RAP1GDS1: variants seen among roughly 807,000 people sequenced by gnomAD.
The protein encoded by RAP1GDS1 is Rap1 GTPase-GDP dissociation stimulator 1, also known as RAP1, GTP-GDP dissociation stimulator 1.
RAP1GDS1 carries 35 observed loss-of-function variants against 71.1 expected under a neutral mutation model. The observed-to-expected ratio is 0.49, with a 90% CI of 0.38 to 0.65. The LOEUF (loss-of-function observed/expected upper bound fraction) is 0.65. Ranked by LOEUF, RAP1GDS1 falls within the 30% of genes least tolerant of loss-of-function variation. RAP1GDS1 has a pLI of 0.00. For synonymous variants in RAP1GDS1, 229 were observed against 243.1 expected (o/e 0.94, Z 0.54); for missense variants, 663 against 706.1 (o/e 0.94, Z 0.69).
intron 8 of RAP1GDS1, among the ~76,000 whole-genome samples, 175 bp from the exon 9 acceptor site, chr4:98,417,192 C>T (rs1748159408): frequency 6.6e-6 from 1 of 152,174 alleles, no homozygotes; most frequent in South Asian, 2.1e-4. Flanking sequence ...AAATGCTAGA[C>T]TCTATTGTCT....
intron 10 of RAP1GDS1, among the ~76,000 whole-genome samples, chr4:98,419,301 A>G (rs986530825): frequency 1.3e-5 from 2 of 151,572 alleles, no homozygotes; most frequent in Non-Finnish European, 2.9e-5. Flanking sequence ...CAGTCCACCC[A>G]CCTTTGCCTC....
chr4:98,358,461 A>G (rs1416528409), intron 4 of RAP1GDS1, among the ~76,000 whole-genome samples: 1 of 152,054 alleles, frequency 6.6e-6, no homozygotes, highest in Non-Finnish European at 1.5e-5. Flanking sequence ...AAAAATTTGA[A>G]AAAGTTTTGA....
At chr4:98,393,679 T>C (rs1241346697) in intron 6 of RAP1GDS1, among the ~76,000 whole-genome samples, 1 of 152,166 alleles carries the variant, frequency 6.6e-6, no homozygotes. Context: ...CACTGTCCAA[T>C]ACAGTAGCTA....
intron 12 of RAP1GDS1, among the ~76,000 whole-genome samples, chr4:98,429,138 G>T (rs1455910672): frequency 6.6e-6 from 1 of 151,980 alleles, no homozygotes; most frequent in African/African-American, 2.4e-5. Flanking sequence ...GGCGCCTGTA[G>T]TCCCAGCTAC....
At chr4:98,383,095 G>A (rs1233027649) in intron 5 of RAP1GDS1, among the ~76,000 whole-genome samples, 1 of 151,622 alleles carries the variant, frequency 6.6e-6, no homozygotes, top group Non-Finnish European at 1.5e-5. Context: ...AAATCTATTG[G>A]TAGTCACCAT....
chr4:98,331,636 G>GT (rs976930682), intron 2 of RAP1GDS1, among the ~76,000 whole-genome samples: 1 of 152,096 alleles, frequency 6.6e-6, no homozygotes, highest in Non-Finnish European at 1.5e-5. Context: ...GAAAGATCTA[G>GT]TATCACCTAC....
chr4:98,397,961 CCAG>C (rs1431745443), intron 6 of RAP1GDS1, among the ~76,000 whole-genome samples: 3 of 152,040 alleles, frequency 2.0e-5, no homozygotes, highest in African/African-American at 7.2e-5. Flanking sequence ...CTACAAAAGG[CCAG>C]CAGATGACCC....
chr4:98,443,451 C>G lies in RAP1GDS1; in HGVS notation c.*1334C>G, dbSNP rs1752114572. The G allele has an allele frequency of 8.7e-6, 2 of 230,238 alleles. No homozygotes were observed. The highest frequency in any genetic ancestry group is 4.4e-5 in the African/African-American group (2 of 45,160). The allele number at this position is 230,238 out of a possible 1,614,324, so 14.3% of individuals were successfully genotyped here. The stretch of plus-strand genomic sequence containing the variant: ...GACCCACCTGCCTTCTCCCCATACC[C>G]AAATTTGACCACTACTGGCCTAAAA... On this transcript the variant is annotated 3_prime_UTR_variant, in exon 15 of 15. Transcript: ENST00000408927.
chr4:98,289,964 T>C (rs940005353), intron 1 of RAP1GDS1, among the ~76,000 whole-genome samples: 21 of 152,048 alleles, frequency 1.4e-4, no homozygotes, highest in African/African-American at 5.1e-4. Context: ...TGTTACTAGA[T>C]AGTTATGTGA....
intron 12 of RAP1GDS1, among the ~76,000 whole-genome samples, chr4:98,427,333 T>C (rs988441654): frequency 1.1e-4 from 16 of 152,218 alleles, no homozygotes; most frequent in Middle Eastern, 3.4e-3. Context: ...CTCTCACCAC[T>C]TCTGTTCAAC....
At chr4:98,315,250 T>C (rs1322724602) in intron 2 of RAP1GDS1, among the ~76,000 whole-genome samples, 1 of 152,200 alleles carries the variant, frequency 6.6e-6, no homozygotes, top group East Asian at 1.9e-4. Flanking sequence ...TATTAACCTC[T>C]CTCTGTCTCT....
intron 3 of RAP1GDS1, among the ~76,000 whole-genome samples, chr4:98,347,530 A>G (rs1264968136): frequency 6.6e-6 from 1 of 152,236 alleles, no homozygotes; most frequent in African/African-American, 2.4e-5. Context: ...AAAGAAAAAA[A>G]AGTGAATTCT....
At chr4:98,415,674 G>T (rs146382005) in intron 7 of RAP1GDS1, among the ~76,000 whole-genome samples, 1 of 152,080 alleles carries the variant, frequency 6.6e-6, no homozygotes, top group Non-Finnish European at 1.5e-5. Flanking sequence ...TGTGGGGGTG[G>T]AGTTTCCTAT....
At chr4:98,441,335 G>T in intron 14 of RAP1GDS1, 1 of 983,556 alleles carries the variant, frequency 1.0e-6, no homozygotes. Context: ...AATAGAGAAA[G>T]CAAGTCAGAA....
chr4:98,327,858 C>T (rs1038343716), intron 2 of RAP1GDS1, among the ~76,000 whole-genome samples: 1 of 152,124 alleles, frequency 6.6e-6, no homozygotes, highest in Admixed American at 6.5e-5. Context: ...GTTTAATTTT[C>T]TCTGTTTTGT....
At chr4:98,293,387 T>C in intron 1 of RAP1GDS1, 21 bp from the exon 2 acceptor site, 2 of 821,786 alleles carry the variant, frequency 2.4e-6, no homozygotes, top group East Asian at 8.5e-5. Flanking sequence ...GAGTTTCTGA[T>C]TTTTTTTTTT....
intron 4 of RAP1GDS1, among the ~76,000 whole-genome samples, chr4:98,376,507 C>G (rs1031015556): frequency 6.6e-6 from 1 of 151,916 alleles, no homozygotes; most frequent in Admixed American, 6.6e-5. Context: ...TAAGATACTT[C>G]TAAAGATGAC....
chr4:98,329,203 G>T (rs758983047), intron 2 of RAP1GDS1, among the ~76,000 whole-genome samples: 14 of 152,106 alleles, frequency 9.2e-5, no homozygotes, highest in Non-Finnish European at 1.3e-4. Context: ...AATTGGGGGG[G>T]CAGTCAAATA....
At chr4:98,414,577 C>G (rs1156683062) in intron 7 of RAP1GDS1, among the ~76,000 whole-genome samples, 1 of 150,480 alleles carries the variant, frequency 6.6e-6, no homozygotes, top group Non-Finnish European at 1.5e-5. Flanking sequence ...TGATCTATAT[C>G]TCTGTTTTGG....
Sources: gnomAD v4.1 joint callset for allele counts (sites outside exome capture counted in the v4.1 genomes callset) on GRCh38, gnomAD v4.1.1 for gene constraint, MANE v1.5 for transcripts, NCBI Gene and HGNC (gene_info 2026-07-23, HGNC 2026-07-21) for gene names.